Variants in BCAN observed in about 807,000 individuals in gnomAD.
BCAN encodes brevican core protein.
BCAN carries 51 observed loss-of-function variants against 92.4 expected under a neutral mutation model. That is an observed-to-expected ratio of 0.55 (90% confidence interval 0.44 to 0.70). The LOEUF is 0.70. BCAN is among the 30% of genes least tolerant of loss of function. The pLI is 0.00. For missense variants in BCAN, 1,140 were observed against 1,212.1 expected, an observed-to-expected ratio of 0.94 and a Z score of 0.88; for synonymous variants, 501 against 505.2, an observed-to-expected ratio of 0.99 and a Z score of 0.11.
intron 8 of BCAN, among the ~76,000 whole-genome samples, chr1:156,655,874 C>T (rs1679306156): frequency 6.6e-6 from 1 of 152,194 alleles, no homozygotes; most frequent in East Asian, 1.9e-4. Flanking sequence ...GCACTAAACT[C>T]CAAGCCTAGA....
At chr1:156,657,480 TTC>T in intron 10 of BCAN, 193 bp from the exon 11 acceptor site, 3 of 560,796 alleles carry the variant, frequency 5.3e-6, no homozygotes, top group Admixed American at 3.5e-5. Flanking sequence ...GGTTGATATC[TTC>T]CTTATTCTCC....
At chr1:156,649,403 T>C (rs1679088835) in intron 6 of BCAN, among the ~76,000 whole-genome samples, 1 of 152,176 alleles carries the variant, frequency 6.6e-6, no homozygotes, top group African/African-American at 2.4e-5. Context: ...CCACATCTTA[T>C]GGCTTGTTTC....
At chr1:156,653,175 C>T (rs866388779) in intron 8 of BCAN, 11 of 1,381,912 alleles carry the variant, frequency 8.0e-6, no homozygotes, top group South Asian at 5.4e-5. Flanking sequence ...GCTCACATCT[C>T]GCCAGCCCCA....
intron 1 of BCAN, among the ~76,000 whole-genome samples, 190 bp from the exon 2 acceptor site, chr1:156,645,857 G>A (rs539607703): frequency 3.3e-5 from 5 of 152,308 alleles, no homozygotes; most frequent in East Asian, 3.9e-4. Context: ...ACTAGGACTC[G>A]GGTTTTGGTT....
rs564111183 is a variant in BCAN at position 156,651,648 on chromosome 1, C to T, written c.1256C>T (p.Ser419Phe). 1 of 1,613,614 alleles carries T rather than the reference C, an allele frequency of 6.2e-7. No individual in the cohort carries two copies. Among genetic ancestry groups the T allele is most frequent in the East Asian group, 2.2e-5 (1 of 44,880 alleles). The change falls in exon 7 of 14, where the codon TCC becomes TTC. Residue 419 changes from serine to phenylalanine, a missense_variant. By Grantham distance (155) the Ser-to-Phe change is radical. Around this residue, in one of 3 missense-constraint regions of BCAN, gnomAD observed 825 missense variants for 871.8 expected, o/e 0.95. Transcript: ENST00000329117. ...PIMEDGGGGS[S>F]TPEDPAEAPR... ...ATGGAGGACGGAGGAGGTGGAAGCTCCACTCCAGAAGACCCAGCAGAGGCC... is the reference window on the plus strand; with the variant it reads ...ATGGAGGACGGAGGAGGTGGAAGCTTCACTCCAGAAGACCCAGCAGAGGCC...
chr1:156,655,430 C>T (rs1343039920), intron 8 of BCAN, among the ~76,000 whole-genome samples: 1 of 152,134 alleles, frequency 6.6e-6, no homozygotes, highest in East Asian at 1.9e-4. Flanking sequence ...GTTGGAGAAC[C>T]TGCAGAAGGC....
Position 156,647,572 on chromosome 1 carries a change from G to T in BCAN, c.531G>T (p.Glu177Asp). The T allele has an allele frequency of 6.2e-7, 1 of 1,612,322 alleles. No homozygotes were observed. Among genetic ancestry groups the T allele is most frequent in the Non-Finnish European group, 8.5e-7 (1 of 1,179,332 alleles). The change falls in exon 4 of 14, where the codon GAG becomes GAT. Residue 177 changes from glutamate (E) to aspartate (D), a missense_variant. Coordinates refer to ENST00000329117, the MANE Select transcript of BCAN (RefSeq NM_021948.5). This position sits in a 1 kb window ranked among gnomAD's most constrained non-coding sequence, Gnocchi z 4.8. ...CTTTCTCCTTTTCTGGGGCCCAGGAGGCCTGTGCCCGCATTGGAGCCCACA... is the reference window on the plus strand; with the variant it reads ...CTTTCTCCTTTTCTGGGGCCCAGGATGCCTGTGCCCGCATTGGAGCCCACA... ...RYAFSFSGAQ[E>D]ACARIGAHIA...
Position 156,647,094 on chromosome 1 carries a change from C to T in BCAN, c.385C>T (p.Pro129Ser), listed in dbSNP as rs770066543. The change falls in exon 3 of 14, where the codon CCC (proline) becomes TCC (serine). Residue 129 changes from proline to serine, a missense_variant. Pro to Ser is a moderately conservative substitution (Grantham distance 74, BLOSUM62 -1). This residue lies in a region of BCAN where 286 missense variants were observed against 284.1 expected (regional missense o/e 1.01). Coordinates refer to ENST00000329117, the MANE Select transcript of BCAN (RefSeq NM_021948.5). The surrounding 1 kb of genome is among the most constrained non-coding windows in gnomAD (Gnocchi z 4.8). ...DVSLALSELR[P>S]NDSGIYRCEV... ...CTCCCTGGCGCTGAGCGAGCTGCGC[C>T]CCAACGACTCAGGTATCTATCGCTG... The T allele has an allele frequency of 1.9e-6, 3 of 1,607,660 alleles. No homozygotes were observed. Among genetic ancestry groups the T allele is most frequent in the East Asian group, 2.2e-5 (1 of 44,684 alleles).
intron 10 of BCAN, chr1:156,657,349 G>A: frequency 1.7e-6 from 1 of 584,990 alleles, no homozygotes; most frequent in East Asian, 3.0e-5. Context: ...CGCCGTGCAG[G>A]GGGCCGCCTC....
chr1:156,658,553 G>A lies in BCAN; in HGVS notation c.2448G>A (p.Gly816=), dbSNP rs3203701. The A allele has an allele frequency of 6.2e-7, 1 of 1,613,578 alleles. No homozygotes were observed. Among genetic ancestry groups the A allele is most frequent in the East Asian group, 2.2e-5 (1 of 44,880 alleles). The change falls in exon 13 of 14, where the codon GGG becomes GGA. Residue 816 remains glycine (G), a synonymous_variant. Transcript: ENST00000329117. This position sits in a 1 kb window ranked among gnomAD's most constrained non-coding sequence, Gnocchi z 4.4. ...YTCKMGLVSC[G]PPPELPLAQV... ...TGTCTTCCTTTGCAGTGTCCTGTGG[G>A]CCGCCACCGGAGCTGCCCCTGGCTC... is the stretch of plus-strand genomic sequence containing the variant.
Position 156,648,620 on chromosome 1 carries a change from G to A in BCAN, c.822G>A (p.Arg274=). 6.2e-7 allele frequency: 1 copy of A among 1,608,768 alleles called. No individual in the cohort carries two copies. The highest frequency in any genetic ancestry group is 8.5e-7 in the Non-Finnish European group (1 of 1,175,630). Residue 274 remains arginine, a synonymous_variant, in exon 6 of 14, where the codon CGG becomes CGA. Coordinates refer to ENST00000329117, the MANE Select transcript of BCAN (RefSeq NM_021948.5). ...PPEKLTLEEA[R]AYCQERGAEI... ...AGAAGCTGACATTGGAGGAAGCACG[G>A]GCGTACTGCCAGGAGCGGGGTGCAG...
intron 6 of BCAN, 57 bp downstream of exon 6, chr1:156,648,918 C>T: frequency 6.7e-7 from 1 of 1,499,204 alleles, no homozygotes; most frequent in Non-Finnish European, 8.9e-7. Context: ...GAGTTGAGTC[C>T]TAAAAGTCCT....
At chr1:156,656,077 C>A (rs369537792) in intron 8 of BCAN, among the ~76,000 whole-genome samples, 5 of 152,086 alleles carry the variant, frequency 3.3e-5, no homozygotes, top group African/African-American at 9.7e-5. Context: ...ATGCTGAAGT[C>A]GGGAGCGGGA....
chr1:156,652,948 G>A, intron 8 of BCAN, 56 bp downstream of exon 8: 1 of 1,597,558 alleles, frequency 6.3e-7, no homozygotes. Context: ...TCTTCCCCCT[G>A]CAGCTCTGGG....
Position 156,652,755 on chromosome 1 carries a change from A to T in BCAN, c.1805A>T (p.Glu602Val), listed in dbSNP as rs752952680. Reference protein sequence around the residue: ...PSLLPATRAPEGTRELEAPSE... With the variant: ...PSLLPATRAPVGTRELEAPSE... ...CTGCTTCCAGCCACACGGGCCCCTG[A>T]GGGTACCAGGGAGCTGGAGGCCCCC... Residue 602 changes from glutamate to valine, a missense_variant, in exon 8 of 14, where the codon GAG becomes GTG. By Grantham distance (121) the Glu-to-Val change is moderately radical. This residue lies in a region of BCAN where 825 missense variants were observed against 871.8 expected (regional missense o/e 0.95). Transcript: ENST00000329117. The T allele has an allele frequency of 6.8e-6, 11 of 1,608,684 alleles. No individual in the cohort carries two copies. The South Asian group carries it at 9.9e-5, about 15-fold the overall frequency.
intron 9 of BCAN, 147 bp from the exon 10 acceptor site, chr1:156,656,791 T>G: frequency 1.8e-6 from 2 of 1,111,050 alleles, no homozygotes; most frequent in Non-Finnish European, 1.3e-6. Context: ...TACCCCCTCA[T>G]TCTCTACTAG....
chr1:156,657,854 T>A (rs1162394994), intron 11 of BCAN, 97 bp downstream of exon 11: 2 of 1,088,278 alleles, frequency 1.8e-6, no homozygotes, highest in Non-Finnish European at 2.6e-6. Flanking sequence ...TCCCCTTCTT[T>A]TTCCGGCCTC....
At chr1:156,650,898 G>A (rs571033770) in intron 6 of BCAN, among the ~76,000 whole-genome samples, 1 of 152,302 alleles carries the variant, frequency 6.6e-6, no homozygotes, top group South Asian at 2.1e-4. Context: ...AGCTGGGATC[G>A]TGCCACTGCA....
Position 156,648,740 on chromosome 1 carries a change from C to G in BCAN, c.942C>G (p.Pro314=), listed in dbSNP as rs954150504. 1 of 1,612,996 alleles carries G rather than the reference C, an allele frequency of 6.2e-7. No individual in the cohort carries two copies. The highest frequency in any genetic ancestry group is 1.3e-5 in the African/African-American group (1 of 74,900). The stretch of plus-strand genomic sequence containing the variant: ...TAGCTGATGGCAGTGTGCGCTACCC[C>G]ATCGTCACACCCAGCCAGCGCTGTG... ...GWLADGSVRY[P]IVTPSQRCGG... is the part of the protein sequence containing the mutation. Residue 314 remains proline, a synonymous_variant, in exon 6 of 14, where the codon CCC becomes CCG. Coordinates refer to ENST00000329117, the MANE Select transcript of BCAN (RefSeq NM_021948.5).
Sources: allele counts gnomAD v4.1 joint callset (sites outside exome capture counted in the v4.1 genomes callset), GRCh38; gene constraint gnomAD v4.1.1; regional missense constraint gnomAD v4.1.1; non-coding constraint Gnocchi (gnomAD v3.1); transcripts MANE v1.5; gene names NCBI Gene and HGNC (gene_info 2026-07-23, HGNC 2026-07-21).